SUSD5: variants seen among roughly 807,000 people sequenced by gnomAD.
SUSD5 encodes the protein sushi domain containing 5, also known as sushi domain-containing protein 5.
In SUSD5, 33 loss-of-function variants were observed where a neutral mutation model predicts 29.5. The observed-to-expected ratio is 1.12, with a 90% CI of 0.85 to 1.49. The LOEUF (loss-of-function observed/expected upper bound fraction) is 1.49, where lower values mean the gene tolerates loss of function less well. Ranked by LOEUF, SUSD5 falls within the 40% of genes most tolerant of loss-of-function variation. The probability of loss-of-function intolerance (pLI) is 0.00; values close to 1 mark genes in which losing one functional copy is unlikely to be tolerated. For missense variants in SUSD5, 776 were observed against 800.6 expected (o/e 0.97, Z 0.37); for synonymous variants, 308 against 325.3 (o/e 0.95, Z 0.57).
At chr3:33,177,813 A>T (rs1324442072) in intron 3 of SUSD5, among the ~76,000 whole-genome samples, 1 of 152,172 alleles carries the variant, frequency 6.6e-6, no homozygotes, top group East Asian at 1.9e-4. Context: ...AAGTTCTGGG[A>T]TACATGTGCA....
At position 33,174,853 on chromosome 3, in the gene SUSD5, C is replaced by T. The variant is rs747020140; in HGVS notation, c.598+33G>A. 10 of 1,608,828 alleles carry T rather than the reference C, an allele frequency of 6.2e-6. No homozygotes were observed. The East Asian group carries it at 1.8e-4, about 29-fold the overall frequency. On this transcript the variant is annotated intron_variant, in intron 4 of 4. Transcript: ENST00000309558. ...GAGCCCTCAGCCAGCACTGCGTGGG[C>T]ACGCGAAGGTGGCCCATCCCTGGGC...
chr3:33,218,063 T>C (rs1342511751), intron 1 of SUSD5, among the ~76,000 whole-genome samples: 2 of 152,224 alleles, frequency 1.3e-5, no homozygotes, highest in African/African-American at 2.4e-5. Flanking sequence ...GAACCTGCCA[T>C]AATCTGGCCC....
intron 4 of SUSD5, among the ~76,000 whole-genome samples, chr3:33,171,319 C>T (rs557334356): frequency 6.6e-6 from 1 of 151,970 alleles, no homozygotes; most frequent in African/African-American, 2.4e-5. Context: ...TGCACTCCAG[C>T]CTGGCGACAG....
intron 4 of SUSD5, among the ~76,000 whole-genome samples, chr3:33,154,519 AAAC>A (rs976767466): frequency 2.1e-4 from 32 of 152,182 alleles, no homozygotes; most frequent in Admixed American, 1.0e-3. Context: ...TGAGACTCAA[AAAC>A]AACAACAACA....
intron 4 of SUSD5, among the ~76,000 whole-genome samples, chr3:33,173,877 C>T (rs193220021): frequency 2.0e-5 from 3 of 152,306 alleles, no homozygotes; most frequent in African/African-American, 7.2e-5. Context: ...CTGCCCCAAT[C>T]GCCTGCTGGC....
At chr3:33,157,258 G>A (rs2031076697) in intron 4 of SUSD5, among the ~76,000 whole-genome samples, 1 of 152,202 alleles carries the variant, frequency 6.6e-6, no homozygotes, top group Non-Finnish European at 1.5e-5. Flanking sequence ...AGAATCTCAT[G>A]GTCTTGCATC....
In SUSD5 at chr3:33,175,012, C is replaced by T. The variant is rs1307848247; in HGVS notation, c.472G>A (p.Glu158Lys). 1 of 1,614,038 alleles carries T rather than the reference C, an allele frequency of 6.2e-7. No homozygotes were observed. The highest frequency in any genetic ancestry group is 1.7e-5 in the Admixed American group (1 of 60,032). The part of the protein sequence containing the change: ...HTILQGRTGL[E>K]MGDELLYVCA... ...ACGTACAGCAGTTCATCCCCCATTT[C>T]CAAGCCGGTGCGGCCCTGCAGGATG... Residue 158 changes from glutamate (E) to lysine (K), a missense_variant, in exon 4 of 5, where the codon GAA becomes AAA. Transcript: ENST00000309558.
In SUSD5 at chr3:33,212,114, T is replaced by C. The variant is rs1355824152; in HGVS notation, c.290+1814A>G. ...GATATTGAATGTTCCCAGCAAAAAA[T>C]AAATGATAAATATTTGAGATGACAG... On this transcript the variant is annotated intron_variant, in intron 2 of 4. Transcript: ENST00000309558. 2.0e-5 allele frequency among the ~76,000 whole-genome samples: 3 copies of C among 152,136 alleles called. No homozygotes were observed. In the East Asian group the frequency reaches 5.8e-4, roughly 29 times the overall value.
At chr3:33,209,624 C>G (rs1178901020) in intron 2 of SUSD5, among the ~76,000 whole-genome samples, 1 of 145,178 alleles carries the variant, frequency 6.9e-6, no homozygotes, top group Admixed American at 7.2e-5. Context: ...TCCTTCCTTC[C>G]TTTTCTTTTC....
At chr3:33,209,081 A>G (rs2032275129) in intron 2 of SUSD5, among the ~76,000 whole-genome samples, 1 of 152,214 alleles carries the variant, frequency 6.6e-6, no homozygotes, top group South Asian at 2.1e-4. Context: ...TTTTTCACTG[A>G]GGATAAAATT....
At chr3:33,218,644 C>G (rs1253736476) in intron 1 of SUSD5, 42 bp downstream of exon 1, 1 of 1,260,516 alleles carries the variant, frequency 7.9e-7, no homozygotes, top group African/African-American at 1.5e-5. Flanking sequence ...CTGCCCGGAC[C>G]CCACGCTCCA....
intron 3 of SUSD5, among the ~76,000 whole-genome samples, chr3:33,175,868 A>T (rs2031542624): frequency 6.6e-6 from 1 of 152,156 alleles, no homozygotes; most frequent in Non-Finnish European, 1.5e-5. Flanking sequence ...TCCATAACTT[A>T]CCTCAAGGTT....
intron 4 of SUSD5, among the ~76,000 whole-genome samples, chr3:33,157,224 C>T (rs1193903298): frequency 6.6e-6 from 1 of 152,188 alleles, no homozygotes; most frequent in Non-Finnish European, 1.5e-5. Flanking sequence ...TAAATACTCC[C>T]TCCCCCGTTG....
rs201067036 is a variant in SUSD5, at chr3:33,174,432, T to C, written c.598+454A>G. On this transcript the variant is annotated intron_variant, in intron 4 of 4. Coordinates refer to ENST00000309558, the MANE Select transcript of SUSD5 (RefSeq NM_015551.2). The stretch of plus-strand genomic sequence containing the variant: ...GGTCCTCACAAAGGTCATGCTCAGA[T>C]ACAAGAATCACCACCCTCAGGGCAG... Among the ~76,000 whole-genome samples the C allele has an allele frequency of 3.1e-4, 47 of 152,228 alleles. No individual in the cohort carries two copies. The East Asian group carries it at 7.4e-3, about 24-fold the overall frequency.
intron 4 of SUSD5, among the ~76,000 whole-genome samples, chr3:33,165,768 G>A (rs2031289635): frequency 6.6e-6 from 1 of 152,196 alleles, no homozygotes. Flanking sequence ...CAACAATATT[G>A]TACTTTGTTA....
intron 4 of SUSD5, among the ~76,000 whole-genome samples, chr3:33,161,673 A>T (rs574452014): frequency 7.9e-5 from 12 of 152,120 alleles, no homozygotes; most frequent in East Asian, 1.9e-4. Flanking sequence ...TAAAAGAATT[A>T]AAAAAAGTCA....
chr3:33,198,981 G>C (rs2032048576), intron 3 of SUSD5, among the ~76,000 whole-genome samples: 1 of 152,148 alleles, frequency 6.6e-6, no homozygotes, highest in South Asian at 2.1e-4. Flanking sequence ...TCTAAGCACA[G>C]ACCCTGGCCT....
At chr3:33,214,998 A>T (rs993622290) in intron 1 of SUSD5, among the ~76,000 whole-genome samples, 3 of 152,092 alleles carry the variant, frequency 2.0e-5, no homozygotes, top group Non-Finnish European at 4.4e-5. Context: ...GACACAAGTC[A>T]TCTGCTTGCA....
At chr3:33,197,503 T>C (rs2032017529) in intron 3 of SUSD5, among the ~76,000 whole-genome samples, 1 of 152,186 alleles carries the variant, frequency 6.6e-6, no homozygotes, top group African/African-American at 2.4e-5. Context: ...CAATTTTAAG[T>C]GTACAGCTTA....
Sources: gnomAD v4.1 joint callset for allele counts (sites outside exome capture counted in the v4.1 genomes callset) on GRCh38, gnomAD v4.1.1 for gene constraint, MANE v1.5 for transcripts, NCBI Gene and HGNC (gene_info 2026-07-23, HGNC 2026-07-21) for gene names.